SREBF2: variants seen among roughly 807,000 people sequenced by gnomAD.
SREBF2 encodes sterol regulatory element-binding protein 2.
A neutral mutation model predicts 113.1 loss-of-function variants in SREBF2; 55 were observed. The ratio of observed to expected loss-of-function variants is 0.49; its 90% CI spans 0.39 to 0.61. SREBF2 has a LOEUF of 0.61. SREBF2 is among the 20% of genes least tolerant of loss of function. The pLI, the probability that SREBF2 is intolerant of heterozygous loss-of-function variation, is 0.00. For missense variants in SREBF2, 1,349 were observed against 1,487.4 expected (o/e 0.91, Z 1.53); for synonymous variants, 593 against 605.7 (o/e 0.98, Z 0.31).
intron 17 of SREBF2, 83 bp from the exon 18 acceptor site, chr22:41,904,768 TGAGGTGGCAGGC>T: frequency 1.0e-6 from 1 of 956,590 alleles, no homozygotes; most frequent in Non-Finnish European, 1.7e-6. Context: ...AGGGATGTCA[TGAGGTGGCAGGC>T]GAGATGGCTC....
At chr22:41,900,521 C>T (rs373144041) in intron 16 of SREBF2, 23 bp downstream of exon 16, 61 of 1,610,052 alleles carry the variant, frequency 3.8e-5, no homozygotes, top group Non-Finnish European at 4.8e-5. Flanking sequence ...TGAGTTGGCC[C>T]CTGGGGGAGG....
intron 1 of SREBF2, among the ~76,000 whole-genome samples, chr22:41,836,628 A>G (rs1217708701): frequency 1.3e-5 from 2 of 152,224 alleles, no homozygotes; most frequent in African/African-American, 4.8e-5. Context: ...AGTGCCTGGC[A>G]CAGTGAGAGT....
chr22:41,860,616 C>T (rs927195599), intron 1 of SREBF2, among the ~76,000 whole-genome samples: 4 of 152,154 alleles, frequency 2.6e-5, no homozygotes, highest in African/African-American at 4.8e-5. Context: ...TGGTGGCACA[C>T]GCCTGTAATC....
In SREBF2 at chr22:41,898,786, G is replaced by A. The variant is rs1410127042; in HGVS notation, c.2738+5G>A. On this transcript the variant is annotated splice_donor_5th_base_variant and intron_variant, in intron 15 of 18. Coordinates refer to ENST00000361204, the MANE Select transcript of SREBF2 (RefSeq NM_004599.4). The stretch of plus-strand genomic sequence containing the variant: ...CAAGGCCCTGGAAGTGACAGAGTGC[G>A]TAACCCTCCTTGGCCACTCACTTGC... 5 of 1,613,854 alleles carry A rather than the reference G, an allele frequency of 3.1e-6. No individual in the cohort carries two copies. The highest frequency in any genetic ancestry group is 1.1e-5 in the South Asian group (1 of 91,002).
chr22:41,891,844 G>A (rs568879706), intron 11 of SREBF2, among the ~76,000 whole-genome samples: 78 of 152,304 alleles, frequency 5.1e-4, no homozygotes, highest in African/African-American at 1.9e-3. Context: ...GTTATGGGTT[G>A]GAAGTCATGG....
intron 1 of SREBF2, among the ~76,000 whole-genome samples, chr22:41,851,638 T>C (rs1054769292): frequency 1.3e-5 from 2 of 151,936 alleles, no homozygotes; most frequent in Admixed American, 6.6e-5. Context: ...GGATTACAGG[T>C]GCGTACCACC....
At chr22:41,879,945 G>T (rs937671491) in intron 9 of SREBF2, among the ~76,000 whole-genome samples, 1 of 152,144 alleles carries the variant, frequency 6.6e-6, no homozygotes. Context: ...GCATGAAGCC[G>T]GGTGCTGTGG....
intron 11 of SREBF2, 56 bp from the exon 12 acceptor site, chr22:41,893,061 G>T (rs1182600740): frequency 5.0e-6 from 8 of 1,602,838 alleles, no homozygotes; most frequent in Non-Finnish European, 6.8e-6. Context: ...CCCCACAGTG[G>T]CTGCAGCCAG....
chr22:41,867,731 C>T (rs568725064), intron 2 of SREBF2, among the ~76,000 whole-genome samples: 29 of 151,998 alleles, frequency 1.9e-4, no homozygotes, highest in Admixed American at 1.7e-3. Context: ...GGCGTGAACC[C>T]GGGAGGCAGA....
chr22:41,890,198 C>T (rs553881698), intron 11 of SREBF2, among the ~76,000 whole-genome samples: 30 of 152,174 alleles, frequency 2.0e-4, no homozygotes, highest in Non-Finnish European at 3.7e-4. Flanking sequence ...GCACTGCACA[C>T]CTCAAGCTTT....
intron 11 of SREBF2, among the ~76,000 whole-genome samples, chr22:41,892,217 C>T (rs1046577052): frequency 1.3e-5 from 2 of 152,224 alleles, no homozygotes; most frequent in African/African-American, 4.8e-5. Context: ...CCCTTCACTC[C>T]AGTGCCATCT....
intron 1 of SREBF2, among the ~76,000 whole-genome samples, chr22:41,840,891 G>A (rs1378286178): frequency 6.6e-6 from 1 of 152,148 alleles, no homozygotes; most frequent in Non-Finnish European, 1.5e-5. Flanking sequence ...TGTCACCTGA[G>A]CCTGCAGAGG....
Position 41,859,798 on chromosome 22 carries a change from T to C in SREBF2, c.89-7033T>C, listed in dbSNP as rs9611678. 7.3e-3 allele frequency among the ~76,000 whole-genome samples: 981 copies of C among 135,268 alleles called. 5 individuals carry two copies. The highest frequency in any genetic ancestry group is 0.018 in the South Asian group (75 of 4,188). 88.7% of individuals were successfully genotyped at this position (135,268 alleles called of 152,430 possible). On this transcript the variant is annotated intron_variant, in intron 1 of 18. Coordinates refer to ENST00000361204, the MANE Select transcript of SREBF2 (RefSeq NM_004599.4). ...GGTTCCAAGGCTAGGATATGGTGAT[T>C]CTTTTTTTTTTTTTTTTTTTTTTTT...
chr22:41,873,804 G>C lies in SREBF2; in HGVS notation c.874G>C (p.Val292Leu). The part of the protein sequence containing the change: ...QTAALQVPTL[V>L]GSSGTILTTM... ...GTACCTGTCCCTATTCTAGACCCTG[G>C]TGGGCAGCAGTGGGACCATTCTGAC... is the stretch of plus-strand genomic sequence containing the variant. Residue 292 changes from valine (V) to leucine (L), a missense_variant, in exon 5 of 19, where the codon GTG becomes CTG. This residue lies in a region of SREBF2 where 699 missense variants were observed against 843.3 expected (regional missense o/e 0.83). Transcript: ENST00000361204. The C allele has an allele frequency of 6.2e-7, 1 of 1,605,562 alleles. No individual in the cohort carries two copies. Among genetic ancestry groups the C allele is most frequent in the South Asian group, 1.1e-5 (1 of 89,720 alleles).
At chr22:41,899,972 T>G in intron 15 of SREBF2, 9 of 1,182,480 alleles carry the variant, frequency 7.6e-6, no homozygotes, top group Non-Finnish European at 8.5e-6. Context: ...TCTGGGGGGG[T>G]GGTCCCTTAA....
chr22:41,833,476 C>G lies in SREBF2; in HGVS notation c.88+118C>G. ...GCCCCGGTTCGCGCGGGAAGAACCCCGTGCGCACGGTGCCCCCGGCGGTCC... is the reference window on the plus strand; with the variant it reads ...GCCCCGGTTCGCGCGGGAAGAACCCGGTGCGCACGGTGCCCCCGGCGGTCC... On this transcript the variant is annotated intron_variant, in intron 1 of 18. Transcript: ENST00000361204. The surrounding 1 kb of genome is among the most constrained non-coding windows in gnomAD (Gnocchi z 4.1). 1 of 844,358 alleles carries G rather than the reference C, an allele frequency of 1.2e-6. No homozygotes were observed. The highest frequency in any genetic ancestry group is 1.8e-6 in the Non-Finnish European group (1 of 565,346). 52.3% of individuals were successfully genotyped at this position (844,358 alleles called of 1,614,324 possible). A position where few individuals can be genotyped will look rare whatever the true frequency, so the allele number is the denominator to read the frequency against.
chr22:41,894,992 C>T, intron 13 of SREBF2, 55 bp downstream of exon 13: 10 of 1,444,776 alleles, frequency 6.9e-6, no homozygotes, highest in South Asian at 1.2e-5. Context: ...CAGGCAACTC[C>T]AGGACAGCCT....
In SREBF2 at chr22:41,905,985, ACT is replaced by A. The variant is rs2077505520; in HGVS notation, c.*331_*332del. 3 of 565,506 alleles carry A rather than the reference ACT, an allele frequency of 5.3e-6. No individual in the cohort carries two copies. Among genetic ancestry groups the A allele is most frequent in the South Asian group, 1.5e-5 (1 of 65,462 alleles). The allele number at this position is 565,506 out of a possible 1,614,324, so 35.0% of individuals were successfully genotyped here. On this transcript the variant is annotated 3_prime_UTR_variant, in exon 19 of 19. Coordinates refer to ENST00000361204, the MANE Select transcript of SREBF2 (RefSeq NM_004599.4). The stretch of plus-strand genomic sequence containing the variant: ...CCTGAGTTTCTCTCTCCTGAACCCT[ACT>A]CTCTCCTTTTTGCTTCCTCAGTTTT...
At chr22:41,893,429 T>G in intron 12 of SREBF2, 144 bp downstream of exon 12, 3 of 1,003,496 alleles carry the variant, frequency 3.0e-6, no homozygotes, top group Non-Finnish European at 4.5e-6. Flanking sequence ...TTTGTTTGTT[T>G]GAACCAAAGC....
Sources: allele counts gnomAD v4.1 joint callset (sites outside exome capture counted in the v4.1 genomes callset), GRCh38; gene constraint gnomAD v4.1.1; regional missense constraint gnomAD v4.1.1; non-coding constraint Gnocchi (gnomAD v3.1); transcripts MANE v1.5; gene names NCBI Gene and HGNC (gene_info 2026-07-23, HGNC 2026-07-21).